Variants in UGT1A8 observed in about 807,000 individuals in gnomAD.
UGT1A8 encodes UDP-glucuronosyltransferase 1A8.
In UGT1A8, 39 loss-of-function variants were observed where a neutral mutation model predicts 45.3. That is an observed-to-expected ratio of 0.86 (90% CI 0.67 to 1.12). The LOEUF (loss-of-function observed/expected upper bound fraction) is 1.12. UGT1A8 is among the 50% of genes most tolerant of loss of function. The pLI is 0.00. For missense variants in UGT1A8, 719 were observed against 664.9 expected (o/e 1.08, Z -0.90); for synonymous variants, 275 against 249.2 (o/e 1.10, Z -0.97).
chr2:233,626,480 G>A (rs1273602560), intron 1 of UGT1A8, among the ~76,000 whole-genome samples: 2 of 151,976 alleles, frequency 1.3e-5, no homozygotes, highest in Non-Finnish European at 2.9e-5. Flanking sequence ...TTATGTTGCT[G>A]TATCCATAAT....
intron 1 of UGT1A8, among the ~76,000 whole-genome samples, chr2:233,620,098 A>G (rs1021634958): frequency 2.0e-5 from 3 of 152,214 alleles, no homozygotes; most frequent in African/African-American, 7.2e-5. Flanking sequence ...AAGGTTCAGT[A>G]GACTTTGTAA....
chr2:233,690,618 A>C, intron 1 of UGT1A8: 1 of 1,288,742 alleles, frequency 7.8e-7, no homozygotes, highest in Non-Finnish European at 1.0e-6. Flanking sequence ...TTGCCTGGAC[A>C]CTCAAGTGAT....
At chr2:233,676,373 C>A (rs1293259047) in intron 1 of UGT1A8, among the ~76,000 whole-genome samples, 1 of 152,192 alleles carries the variant, frequency 6.6e-6, no homozygotes, top group Non-Finnish European at 1.5e-5. Flanking sequence ...AGCAAGGTTA[C>A]AACAAATAGT....
chr2:233,703,957 C>T (rs1010447898), intron 1 of UGT1A8, among the ~76,000 whole-genome samples: 1 of 151,710 alleles, frequency 6.6e-6, no homozygotes, highest in African/African-American at 2.4e-5. Flanking sequence ...GTGGTGTGAT[C>T]TTGGCCCACT....
At position 233,715,197 on chromosome 2, in the gene UGT1A8, C is replaced by T. The variant is rs534544158; in HGVS notation, c.856-51837C>T. 7.9e-5 allele frequency among the ~76,000 whole-genome samples: 12 copies of T among 152,300 alleles called. No individual in the cohort carries two copies. The South Asian group carries it at 2.5e-3, about 32-fold the overall frequency. ...CACCACACCTAGGCAATTTTTCTAT[C>T]TTTTAAAAGACCCTCTACTGAATCT... is the stretch of plus-strand genomic sequence containing the variant. On this transcript the variant is annotated intron_variant, in intron 1 of 4. Coordinates refer to ENST00000373450, the MANE Select transcript of UGT1A8 (RefSeq NM_019076.5).
intron 1 of UGT1A8, chr2:233,682,194 A>T: frequency 1.2e-6 from 2 of 1,614,248 alleles, no homozygotes; most frequent in African/African-American, 1.3e-5. Flanking sequence ...CTGGAGGATC[A>T]GGACCGGGAG....
intron 1 of UGT1A8, among the ~76,000 whole-genome samples, chr2:233,642,454 A>G (rs1447921380): frequency 6.6e-6 from 1 of 152,220 alleles, no homozygotes; most frequent in Non-Finnish European, 1.5e-5. Context: ...TTTCCTCAAC[A>G]CAGCTATTTT....
At chr2:233,750,081 T>C (rs1164300379) in intron 1 of UGT1A8, among the ~76,000 whole-genome samples, 3 of 151,620 alleles carry the variant, frequency 2.0e-5, no homozygotes, top group African/African-American at 7.3e-5. Context: ...CAGGCAGAGG[T>C]TGGAACAGTT....
rs1192780908 is a variant in UGT1A8, at chr2:233,630,989, C to T, written c.855+12427C>T. Reference sequence around the variant, plus strand: ...TCCTAATGCTTTCCCTCCCCTAGGCCCTCACCCCCCGACAGGCCCTGGTGT... The same window carrying T: ...TCCTAATGCTTTCCCTCCCCTAGGCTCTCACCCCCCGACAGGCCCTGGTGT... On this transcript the variant is annotated intron_variant, in intron 1 of 4. Coordinates refer to ENST00000373450, the MANE Select transcript of UGT1A8 (RefSeq NM_019076.5). Among the ~76,000 whole-genome samples, 8 of 152,146 alleles carry T rather than the reference C, an allele frequency of 5.3e-5. No homozygotes were observed. The East Asian group carries it at 1.2e-3, about 22-fold the overall frequency.
chr2:233,765,251 A>C (rs1476483631), intron 1 of UGT1A8, among the ~76,000 whole-genome samples: 1 of 152,222 alleles, frequency 6.6e-6, no homozygotes, highest in African/African-American at 2.4e-5. Flanking sequence ...TAATCCCATT[A>C]CTGGGTATAT....
chr2:233,767,858 CG>C lies in UGT1A8; in HGVS notation c.999del (p.Tyr334ThrfsTer29). The C allele has an allele frequency of 6.2e-7, 1 of 1,614,120 alleles. No individual in the cohort carries two copies. Among genetic ancestry groups the C allele is most frequent in the South Asian group, 1.1e-5 (1 of 91,080 alleles). On this transcript the variant is annotated frameshift_variant, in exon 3 of 5. Coordinates refer to ENST00000373450, the MANE Select transcript of UGT1A8 (RefSeq NM_019076.5). LOFTEE classifies it high-confidence loss of function. ...LGKIPQTVLW[R>X]YTGTRPSNLA... The stretch of plus-strand genomic sequence containing the variant: ...TTTTTGCCCCTCCCAGGTCCTGTGG[CG>C]GTACACTGGAACCCGACCATCGAAT...
chr2:233,751,324 A>C (rs571504836), intron 1 of UGT1A8, among the ~76,000 whole-genome samples: 1 of 151,882 alleles, frequency 6.6e-6, no homozygotes, highest in East Asian at 1.9e-4. Context: ...CTGTACCCCC[A>C]TTGTGTCTTG....
In UGT1A8 at chr2:233,744,339, T is replaced by C. The variant is rs368123082; in HGVS notation, c.856-22695T>C. Among the ~76,000 whole-genome samples, 73 of 151,998 alleles carry C rather than the reference T, an allele frequency of 4.8e-4. No individual in the cohort carries two copies. The East Asian group carries it at 9.6e-3, about 20-fold the overall frequency. ...GTGGTGGGAGTGAGTTTAGTCTGAC[T>C]GGGGCTGAAGACATCCTGTTGTTTA... On this transcript the variant is annotated intron_variant, in intron 1 of 4. Coordinates refer to ENST00000373450, the MANE Select transcript of UGT1A8 (RefSeq NM_019076.5).
chr2:233,708,078 C>T (rs2076003299), intron 1 of UGT1A8, among the ~76,000 whole-genome samples: 1 of 152,190 alleles, frequency 6.6e-6, no homozygotes, highest in South Asian at 2.1e-4. Flanking sequence ...TTGCTTTTTA[C>T]TTTTATTCAA....
chr2:233,733,904 C>T (rs1479410673), intron 1 of UGT1A8, among the ~76,000 whole-genome samples: 1 of 151,462 alleles, frequency 6.6e-6, no homozygotes, highest in Non-Finnish European at 1.5e-5. Context: ...TTGTACCTCT[C>T]TGGTAGAATT....
intron 1 of UGT1A8, among the ~76,000 whole-genome samples, chr2:233,730,748 G>C (rs2078070259): frequency 6.6e-6 from 1 of 152,108 alleles, no homozygotes; most frequent in Non-Finnish European, 1.5e-5. Flanking sequence ...CTAGGGAGGA[G>C]ATAAGACTGT....
rs866643747 is a variant in UGT1A8, at chr2:233,725,306, A to G, written c.856-41728A>G. On this transcript the variant is annotated intron_variant, in intron 1 of 4. Coordinates refer to ENST00000373450, the MANE Select transcript of UGT1A8 (RefSeq NM_019076.5). ...CAGAGGCAGAGGCAGAGGCAGAGGC[A>G]GAGGCAGAGGCGCCTGGTCAACAAT... Among the ~76,000 whole-genome samples the G allele has an allele frequency of 8.2e-5, 7 of 85,472 alleles. 1 individual carries two copies. In the East Asian group the frequency reaches 1.3e-3, roughly 16 times the overall value. The allele number at this position is 85,472 out of a possible 152,430, so 56.1% of individuals were successfully genotyped here.
intron 1 of UGT1A8, among the ~76,000 whole-genome samples, chr2:233,695,937 TCTGCCAGATACCAG>T (rs1024121397): frequency 2.2e-4 from 34 of 152,244 alleles, no homozygotes; most frequent in Middle Eastern, 3.4e-3. Context: ...AGCAGGCAAT[TCTGCCAGATACCAG>T]CTGGGTGTCC....
At chr2:233,651,820 C>T (rs2073748867) in intron 1 of UGT1A8, among the ~76,000 whole-genome samples, 1 of 152,148 alleles carries the variant, frequency 6.6e-6, no homozygotes, top group African/African-American at 2.4e-5. Flanking sequence ...TGTGCATGCA[C>T]ACATGTGTCA....
Sources: allele counts gnomAD v4.1 joint callset (sites outside exome capture counted in the v4.1 genomes callset), GRCh38; gene constraint gnomAD v4.1.1; transcripts MANE v1.5; gene names NCBI Gene and HGNC (gene_info 2026-07-23, HGNC 2026-07-21).